Variants in MAP1B observed in about 807,000 individuals in gnomAD.
MAP1B encodes microtubule associated protein 1B.
In MAP1B, 12 loss-of-function variants were observed where a neutral mutation model predicts 176.1. That is an observed-to-expected ratio of 0.07 (90% confidence interval 0.04 to 0.11). MAP1B has a LOEUF of 0.11. MAP1B is among the 10% of genes least tolerant of loss of function. The pLI, the probability that MAP1B is intolerant of heterozygous loss-of-function variation, is 1.00. For missense variants in MAP1B, 2,523 were observed against 2,990.5 expected (o/e 0.84, Z 3.65); for synonymous variants, 1,044 against 1,135.0 (o/e 0.92, Z 1.61).
intron 2 of MAP1B, among the ~76,000 whole-genome samples, chr5:72,170,986 A>G (rs994855113): frequency 6.6e-6 from 1 of 152,128 alleles, no homozygotes; most frequent in Non-Finnish European, 1.5e-5. Context: ...TGTTTAATAT[A>G]TAGGGCTAGA....
intron 2 of MAP1B, among the ~76,000 whole-genome samples, chr5:72,164,986 G>A (rs1444432034): frequency 1.3e-5 from 2 of 151,784 alleles, no homozygotes; most frequent in Non-Finnish European, 2.9e-5. Context: ...GTTAGCAATT[G>A]GACATATATG....
intron 2 of MAP1B, among the ~76,000 whole-genome samples, chr5:72,134,194 A>C (rs1355327102): frequency 2.0e-5 from 3 of 152,216 alleles, no homozygotes; most frequent in Admixed American, 1.3e-4. Context: ...TTTTATTTAA[A>C]TTGCTACTTG....
At chr5:72,144,874 G>A (rs1185969006) in intron 2 of MAP1B, among the ~76,000 whole-genome samples, 1 of 152,176 alleles carries the variant, frequency 6.6e-6, no homozygotes. Flanking sequence ...GCGTGGGAGA[G>A]GTACTAGAAT....
chr5:72,128,844 G>C (rs1438744720), intron 2 of MAP1B, among the ~76,000 whole-genome samples: 1 of 152,102 alleles, frequency 6.6e-6, no homozygotes, highest in African/African-American at 2.4e-5. Flanking sequence ...GTAGAGACAG[G>C]GCCTTGCTAA....
intron 1 of MAP1B, among the ~76,000 whole-genome samples, chr5:72,113,894 C>G (rs1469673380): frequency 6.6e-6 from 1 of 152,136 alleles, no homozygotes; most frequent in Non-Finnish European, 1.5e-5. Context: ...CAAAAAGAAC[C>G]CATTTATCAT....
chr5:72,205,329 T>C lies in MAP1B; in HGVS notation c.*90T>C. On this transcript the variant is annotated 3_prime_UTR_variant, in exon 7 of 7. Transcript: ENST00000296755. The stretch of plus-strand genomic sequence containing the variant: ...ACCTTTTCTAAAAAGTCAATTCATC[T>C]AGTTAAGTCGCTGAACAATTACCTG... 1.5e-6 allele frequency: 2 copies of C among 1,339,944 alleles called. No homozygotes were observed. Among genetic ancestry groups the C allele is most frequent in the South Asian group, 1.4e-5 (1 of 72,736 alleles). 83.0% of individuals were successfully genotyped at this position (1,339,944 alleles called of 1,614,324 possible).
intron 2 of MAP1B, among the ~76,000 whole-genome samples, chr5:72,134,742 CT>C (rs987298415): frequency 2.0e-5 from 3 of 151,862 alleles, no homozygotes; most frequent in Non-Finnish European, 4.4e-5. Flanking sequence ...GAATATCATT[CT>C]TCTCAAAGCT....
At position 72,198,703 on chromosome 5, in the gene MAP1B, A is replaced by C; in HGVS notation, c.5348A>C (p.Asp1783Ala). Residue 1783 changes from aspartate (D) to alanine (A), a missense_variant, in exon 5 of 7, where the codon GAT becomes GCT. Around this residue, in one of 4 missense-constraint regions of MAP1B, gnomAD observed 1,925 missense variants for 2,126.0 expected, o/e 0.91. Coordinates refer to ENST00000296755, the MANE Select transcript of MAP1B (RefSeq NM_005909.5). The stretch of plus-strand genomic sequence containing the variant: ...GGAGAGAAGCTCTCTCCAAAATCTG[A>C]TATCTCTCCACTCACCCCACGAGAG... Reference protein sequence around the residue: ...LEGEKLSPKSDISPLTPRESS... With the variant: ...LEGEKLSPKSAISPLTPRESS... 6.2e-7 allele frequency: 1 copy of C among 1,614,160 alleles called. No homozygotes were observed. The highest frequency in any genetic ancestry group is 8.5e-7 in the Non-Finnish European group (1 of 1,180,036).
At chr5:72,157,872 C>A (rs1453910993) in intron 2 of MAP1B, among the ~76,000 whole-genome samples, 1 of 152,158 alleles carries the variant, frequency 6.6e-6, no homozygotes, top group Non-Finnish European at 1.5e-5. Context: ...CTCTTTCTTG[C>A]TCTGTCACCC....
intron 2 of MAP1B, among the ~76,000 whole-genome samples, chr5:72,149,997 G>A (rs1746113774): frequency 6.6e-6 from 1 of 152,202 alleles, no homozygotes; most frequent in Non-Finnish European, 1.5e-5. Context: ...GTCTGAGTGG[G>A]TATATCATGT....
chr5:72,145,919 A>G (rs1746037092), intron 2 of MAP1B, among the ~76,000 whole-genome samples: 1 of 152,216 alleles, frequency 6.6e-6, no homozygotes, highest in Non-Finnish European at 1.5e-5. Flanking sequence ...AATTTCATTG[A>G]GGAGTGAAGT....
intron 1 of MAP1B, 31 bp from the exon 2 acceptor site, chr5:72,115,667 G>C (rs1344097226): frequency 1.7e-6 from 2 of 1,190,324 alleles, no homozygotes; most frequent in Admixed American, 3.4e-5. Flanking sequence ...CTAACTGGAA[G>C]TCTCTCAACT....
chr5:72,113,864 C>T (rs1158732405), intron 1 of MAP1B, among the ~76,000 whole-genome samples: 1 of 152,212 alleles, frequency 6.6e-6, no homozygotes, highest in African/African-American at 2.4e-5. Flanking sequence ...ACCTCTCAAC[C>T]TGTCAAGCTC....
intron 1 of MAP1B, among the ~76,000 whole-genome samples, chr5:72,108,292 C>T (rs1214361282): frequency 6.6e-6 from 1 of 152,154 alleles, no homozygotes; most frequent in East Asian, 1.9e-4. Context: ...CTCCCCCCGC[C>T]CCCCCCTCCC....
chr5:72,176,586 C>T (rs1746657989), intron 2 of MAP1B, among the ~76,000 whole-genome samples: 2 of 152,226 alleles, frequency 1.3e-5, no homozygotes, highest in Admixed American at 6.5e-5. Context: ...TCTACACATG[C>T]AAGATTTTAT....
intron 2 of MAP1B, among the ~76,000 whole-genome samples, chr5:72,153,656 G>C (rs1044568028): frequency 6.6e-6 from 1 of 152,054 alleles, no homozygotes; most frequent in African/African-American, 2.4e-5. Context: ...ACAAACCCTT[G>C]AACATGTCAG....
chr5:72,180,897 C>G (rs1281257447), intron 2 of MAP1B, among the ~76,000 whole-genome samples: 1 of 152,156 alleles, frequency 6.6e-6, no homozygotes, highest in African/African-American at 2.4e-5. Flanking sequence ...TCTGTTTTAA[C>G]AAATTTTAGT....
At position 72,198,347 on chromosome 5, in the gene MAP1B, A is replaced by T. The variant is rs1267000295; in HGVS notation, c.4992A>T (p.Arg1664=). ...PEQSLAMDFS[R]QSPDHPTVGA... Reference sequence around the variant, plus strand: ...AATCCCTTGCTATGGACTTCAGTCGACAGTCTCCAGATCACCCTACAGTGG... The same window carrying T: ...AATCCCTTGCTATGGACTTCAGTCGTCAGTCTCCAGATCACCCTACAGTGG... The change falls in exon 5 of 7, where the codon CGA becomes CGT. Residue 1664 remains arginine (R), a synonymous_variant. Transcript: ENST00000296755. The T allele has an allele frequency of 1.2e-6, 2 of 1,614,214 alleles. No homozygotes were observed. Among genetic ancestry groups the T allele is most frequent in the South Asian group, 1.1e-5 (1 of 91,084 alleles).
At chr5:72,178,548 C>T (rs984822339) in intron 2 of MAP1B, among the ~76,000 whole-genome samples, 6 of 152,174 alleles carry the variant, frequency 3.9e-5, no homozygotes, top group Admixed American at 1.3e-4. Context: ...GGGGACAGGA[C>T]GGCTTTTCTC....
Sources: allele counts gnomAD v4.1 joint callset (sites outside exome capture counted in the v4.1 genomes callset), GRCh38; gene constraint gnomAD v4.1.1; regional missense constraint gnomAD v4.1.1; transcripts MANE v1.5; gene names NCBI Gene and HGNC (gene_info 2026-07-23, HGNC 2026-07-21).